C6: variants seen among roughly 807,000 people sequenced by gnomAD.
C6 encodes complement component C6.
In C6, 101 loss-of-function variants were observed where a neutral mutation model predicts 112.9. The observed-to-expected ratio is 0.89, with a 90% CI of 0.76 to 1.06. The LOEUF (loss-of-function observed/expected upper bound fraction) is 1.06. Among genes scored for constraint, C6 ranks in the 50% least tolerant of loss-of-function variants. The pLI is 0.00. For synonymous variants in C6, 431 were observed against 384.1 expected, an observed-to-expected ratio of 1.12 and a Z score of -1.43; for missense variants, 1,202 against 1,104.6, an observed-to-expected ratio of 1.09 and a Z score of -1.25.
chr5:41,187,125 C>T (rs1196529027), intron 5 of C6, among the ~76,000 whole-genome samples: 2 of 152,124 alleles, frequency 1.3e-5, no homozygotes, highest in Non-Finnish European at 2.9e-5. Flanking sequence ...CCTTGTCTTT[C>T]ATAGAACATG....
At position 41,159,190 on chromosome 5, in the gene C6, C is replaced by T. The variant is rs764589870; in HGVS notation, c.1748G>A (p.Arg583Lys). ...SWSTCDATYK[R>K]SRTRECNNPA... ...ATTATTGCATTCTCGGGTTCTCGAT[C>T]TCTTATAAGTAGCATCACAGGTACT... The change falls in exon 12 of 18, where the codon AGA becomes AAA. Residue 583 changes from arginine to lysine, a missense_variant. Transcript: ENST00000337836. 1 of 1,613,554 alleles carries T rather than the reference C, an allele frequency of 6.2e-7. No individual in the cohort carries two copies. The highest frequency in any genetic ancestry group is 8.5e-7 in the Non-Finnish European group (1 of 1,179,732).
At chr5:41,205,078 T>G (rs1276708613) in intron 1 of C6, among the ~76,000 whole-genome samples, 9 of 152,230 alleles carry the variant, frequency 5.9e-5, no homozygotes, top group Non-Finnish European at 4.4e-5. Context: ...ATTCATTGTA[T>G]GCTGCTAGGC....
intron 5 of C6, among the ~76,000 whole-genome samples, chr5:41,191,540 TA>T: frequency 6.6e-6 from 1 of 152,296 alleles, no homozygotes; most frequent in Middle Eastern, 3.4e-3. Flanking sequence ...TTCCAATCCA[TA>T]AAAACAGGAT....
At chr5:41,215,529 G>A (rs1752169203), upstream of C6, among the ~76,000 whole-genome samples, 1 of 152,150 alleles carries the variant, frequency 6.6e-6, no homozygotes, top group Non-Finnish European at 1.5e-5. Flanking sequence ...GAAGTTTACT[G>A]GCACTGGCTG....
intron 6 of C6, among the ~76,000 whole-genome samples, chr5:41,183,226 C>T (rs1749488668): frequency 6.6e-6 from 1 of 151,972 alleles, no homozygotes; most frequent in African/African-American, 2.4e-5. Flanking sequence ...GTAAATAACC[C>T]CAATAGCATG....
intron 4 of C6, among the ~76,000 whole-genome samples, chr5:41,197,887 T>C (rs1750727894): frequency 6.6e-6 from 1 of 152,170 alleles, no homozygotes; most frequent in Non-Finnish European, 1.5e-5. Flanking sequence ...GTTTGAATAT[T>C]GCAGGATTTG....
chr5:41,176,611 A>G lies in C6; in HGVS notation c.1032T>C (p.His344=). 4 of 1,613,950 alleles carry G rather than the reference A, an allele frequency of 2.5e-6. No homozygotes were observed. Among genetic ancestry groups the G allele is most frequent in the South Asian group, 1.1e-5 (1 of 91,074 alleles). Residue 344 remains histidine (H), a synonymous_variant, in exon 8 of 18, where the codon CAT becomes CAC. Transcript: ENST00000337836. The part of the protein sequence containing the change: ...LSDVFLKALN[H]LPLEYNSALY... The stretch of plus-strand genomic sequence containing the variant: ...AAGCAGAGTTGTATTCTAGAGGCAG[A>G]TGGTTAAGTGCTTTCAAAAAGACAT...
At chr5:41,177,358 A>G (rs549742326) in intron 7 of C6, among the ~76,000 whole-genome samples, 57 of 152,318 alleles carry the variant, frequency 3.7e-4, no homozygotes, top group African/African-American at 1.2e-3. Flanking sequence ...TTTTGTTTAC[A>G]AACTTATTTA....
intron 1 of C6, among the ~76,000 whole-genome samples, chr5:41,211,512 G>C (rs1751925644): frequency 6.6e-6 from 1 of 152,002 alleles, no homozygotes; most frequent in East Asian, 1.9e-4. Context: ...GACAATAGTA[G>C]CCAGATAGAA....
At chr5:41,240,998 A>G (rs1740673368) in intron 1 of C6, among the ~76,000 whole-genome samples, 1 of 152,120 alleles carries the variant, frequency 6.6e-6, no homozygotes, top group South Asian at 2.1e-4. Flanking sequence ...CTTACAGGGC[A>G]AGACAACTTC....
intron 1 of C6, among the ~76,000 whole-genome samples, chr5:41,241,147 C>A (rs747184064): frequency 2.2e-4 from 33 of 152,154 alleles, no homozygotes; most frequent in Non-Finnish European, 4.1e-4. Flanking sequence ...GGTTGGCATG[C>A]CCCAGCAGCA....
At chr5:41,183,295 C>T (rs1749493454) in intron 6 of C6, among the ~76,000 whole-genome samples, 1 of 151,980 alleles carries the variant, frequency 6.6e-6, no homozygotes, top group South Asian at 2.1e-4. Flanking sequence ...CAATTATAAC[C>T]TTTGTTTTTA....
At chr5:41,147,206 T>C (rs1267874106) in intron 17 of C6, among the ~76,000 whole-genome samples, 1 of 152,212 alleles carries the variant, frequency 6.6e-6, no homozygotes, top group Non-Finnish European at 1.5e-5. Flanking sequence ...CAGATTATTG[T>C]TTGCAAGAGA....
intron 1 of C6, among the ~76,000 whole-genome samples, chr5:41,243,251 TA>T (rs762140627): frequency 6.6e-6 from 1 of 152,232 alleles, no homozygotes; most frequent in African/African-American, 2.4e-5. Flanking sequence ...TCATAAATCA[TA>T]ACATCACTTT....
intron 1 of C6, among the ~76,000 whole-genome samples, chr5:41,241,998 A>G (rs1740740946): frequency 6.6e-6 from 1 of 152,214 alleles, no homozygotes; most frequent in Non-Finnish European, 1.5e-5. Flanking sequence ...GAGGGAGCTT[A>G]AGTTTGAGCT....
At chr5:41,234,202 T>C (rs1011919813) in intron 1 of C6, among the ~76,000 whole-genome samples, 1 of 152,092 alleles carries the variant, frequency 6.6e-6, no homozygotes, top group Non-Finnish European at 1.5e-5. Context: ...ACTATGTAAT[T>C]GCAATGTATC....
chr5:41,186,821 A>G (rs1221550980), intron 5 of C6, among the ~76,000 whole-genome samples: 1 of 152,128 alleles, frequency 6.6e-6, no homozygotes, highest in Non-Finnish European at 1.5e-5. Flanking sequence ...ATGTAGATAT[A>G]ATTATTATAC....
chr5:41,157,685 A>G lies in C6; in HGVS notation c.1968+989T>C, dbSNP rs1747048719. On this transcript the variant is annotated intron_variant, in intron 13 of 17. Coordinates refer to ENST00000337836, the MANE Select transcript of C6 (RefSeq NM_000065.5). ...CCAGCAGCATCCATATTACCTAGGA[A>G]TGTATTAGCAATGGATATTTCTGTG... 2.0e-5 allele frequency among the ~76,000 whole-genome samples: 3 copies of G among 152,200 alleles called. No individual in the cohort carries two copies. In the South Asian group the frequency reaches 6.2e-4, roughly 32 times the overall value.
chr5:41,176,137 G>A (rs1027130833), intron 8 of C6, among the ~76,000 whole-genome samples: 2 of 152,156 alleles, frequency 1.3e-5, no homozygotes, highest in African/African-American at 2.4e-5. Context: ...CCAGTACAAA[G>A]TTGGTTTCCC....
Sources: allele counts gnomAD v4.1 joint callset (sites outside exome capture counted in the v4.1 genomes callset), GRCh38; gene constraint gnomAD v4.1.1; transcripts MANE v1.5; gene names NCBI Gene and HGNC (gene_info 2026-07-23, HGNC 2026-07-21).